Variants in MCC observed in about 807,000 individuals in gnomAD.
The protein encoded by MCC is colorectal mutant cancer protein.
Under a neutral mutation model 116.2 loss-of-function variants are expected in MCC, and 90 were observed. The observed-to-expected ratio is 0.77, with a 90% confidence interval of 0.65 to 0.92. The LOEUF is 0.92. Among genes scored for constraint, MCC ranks in the 40% least tolerant of loss-of-function variants. The pLI, the probability that MCC is intolerant of heterozygous loss-of-function variation, is 0.00. For synonymous variants in MCC, 578 were observed against 510.5 expected (o/e 1.13, Z -1.78); for missense variants, 1,516 against 1,312.2 (o/e 1.16, Z -2.40).
intron 3 of MCC, among the ~76,000 whole-genome samples, chr5:113,239,827 C>T (rs73244772): frequency 0.11 from 16,204 of 152,170 alleles, 1,361 homozygotes; most frequent in Admixed American, 0.25. Flanking sequence ...GAAATCCAAA[C>T]GTGGTGGAAG....
intron 3 of MCC, among the ~76,000 whole-genome samples, chr5:113,227,858 G>A (rs902742624): frequency 6.6e-6 from 1 of 152,120 alleles, no homozygotes; most frequent in South Asian, 2.1e-4. Context: ...ACCTGCCATG[G>A]AAATCCTACA....
chr5:113,237,674 GA>G (rs1219285457), intron 3 of MCC, among the ~76,000 whole-genome samples: 2 of 152,278 alleles, frequency 1.3e-5, no homozygotes, highest in East Asian at 1.9e-4. Flanking sequence ...GGCTACAAGA[GA>G]AATTATATTT....
chr5:113,028,789 G>A (rs982348796), intron 18 of MCC, 145 bp downstream of exon 18: 1 of 894,362 alleles, frequency 1.1e-6, no homozygotes, highest in East Asian at 2.6e-5. Context: ...CTCTTAGAGA[G>A]CCAGGTAGGG....
intron 8 of MCC, among the ~76,000 whole-genome samples, chr5:113,100,223 A>C (rs1756310051): frequency 6.6e-6 from 1 of 152,214 alleles, no homozygotes; most frequent in Admixed American, 6.5e-5. Context: ...AACATTCAAA[A>C]ATAGTAATTT....
Position 113,027,474 on chromosome 5 carries a change from A to G in MCC, c.2888T>C (p.Val963Ala). The change falls in exon 19 of 19, where the codon GTG becomes GCG. Residue 963 changes from valine (V) to alanine (A), a missense_variant. Coordinates refer to ENST00000408903, the MANE Select transcript of MCC (RefSeq NM_001085377.2). ...NDLKRANSNL[V>A]AAYEKAKKKH... ...TTTCTTTGCTTTCTCATAGGCAGCC[A>G]CCAGGTTGCTAGGTGGGAATGAAGG... 1 of 1,614,132 alleles carries G rather than the reference A, an allele frequency of 6.2e-7. No homozygotes were observed. Among genetic ancestry groups the G allele is most frequent in the East Asian group, 2.2e-5 (1 of 44,874 alleles).
At chr5:113,147,454 C>T (rs1759588513) in intron 4 of MCC, among the ~76,000 whole-genome samples, 2 of 152,146 alleles carry the variant, frequency 1.3e-5, no homozygotes, top group African/African-American at 4.8e-5. Context: ...TTAATCATCG[C>T]ATTAGTGTCA....
At chr5:113,472,805 A>G (rs1413095527) in intron 1 of MCC, among the ~76,000 whole-genome samples, 1 of 152,234 alleles carries the variant, frequency 6.6e-6, no homozygotes, top group Admixed American at 6.5e-5. Flanking sequence ...ATGTAAGCAT[A>G]TGGTTAGAGA....
chr5:113,275,986 T>C (rs938210728), intron 3 of MCC, among the ~76,000 whole-genome samples: 1 of 150,820 alleles, frequency 6.6e-6, no homozygotes, highest in Non-Finnish European at 1.5e-5. Flanking sequence ...TTTTTTTTTT[T>C]TTTAAGCAGG....
At chr5:113,329,068 T>G (rs1214930368) in intron 3 of MCC, among the ~76,000 whole-genome samples, 2 of 152,178 alleles carry the variant, frequency 1.3e-5, no homozygotes, top group Non-Finnish European at 2.9e-5. Flanking sequence ...CCAGGCAACC[T>G]CTGTAATCCT....
At chr5:113,431,573 G>T (rs7705568) in intron 1 of MCC, among the ~76,000 whole-genome samples, 17,509 of 152,184 alleles carry the variant, frequency 0.12, 1,744 homozygotes, top group African/African-American at 0.27. Context: ...GCTTCCTGGG[G>T]CATTAGAAAG....
chr5:113,105,691 C>T (rs987363108), intron 6 of MCC, among the ~76,000 whole-genome samples: 11 of 152,202 alleles, frequency 7.2e-5, no homozygotes, highest in Non-Finnish European at 1.6e-4. Context: ...TCTCTACTGA[C>T]ACCATCCTGC....
chr5:113,123,713 G>A (rs1334823441), intron 5 of MCC, among the ~76,000 whole-genome samples: 2 of 152,142 alleles, frequency 1.3e-5, no homozygotes, highest in African/African-American at 4.8e-5. Context: ...CAGGTATGGA[G>A]ACAGCAAAAT....
rs749227093 is a variant in MCC, at chr5:113,068,228, G to T, written c.1926-45C>A. 12 of 1,474,820 alleles carry T rather than the reference G, an allele frequency of 8.1e-6. No homozygotes were observed. The East Asian group carries it at 2.1e-4, about 25-fold the overall frequency. 91.4% of individuals were successfully genotyped at this position (1,474,820 alleles called of 1,614,324 possible). A position where few individuals can be genotyped will look rare whatever the true frequency, so the allele number is the denominator to read the frequency against. On this transcript the variant is annotated intron_variant, in intron 12 of 18. Coordinates refer to ENST00000408903, the MANE Select transcript of MCC (RefSeq NM_001085377.2). Reference sequence around the variant, plus strand: ...GCCTCAGCCCTTGCAGAGAACAGCGGACACCTTCAATGTGGCGCCGGTTTC... The same window carrying T: ...GCCTCAGCCCTTGCAGAGAACAGCGTACACCTTCAATGTGGCGCCGGTTTC...
At chr5:113,304,990 G>A (rs990243006) in intron 3 of MCC, among the ~76,000 whole-genome samples, 1 of 150,916 alleles carries the variant, frequency 6.6e-6, no homozygotes, top group African/African-American at 2.5e-5. Flanking sequence ...AGAATGTTAC[G>A]GCAGCTACCC....
chr5:113,144,707 A>C (rs540568950), intron 4 of MCC, among the ~76,000 whole-genome samples: 2 of 152,332 alleles, frequency 1.3e-5, no homozygotes, highest in East Asian at 3.9e-4. Context: ...CAACAGCTGG[A>C]TCAGTATTTA....
chr5:113,156,482 T>A (rs1260867776), intron 3 of MCC, among the ~76,000 whole-genome samples: 1 of 152,150 alleles, frequency 6.6e-6, no homozygotes. Context: ...ACACTCAGAC[T>A]AGGAAAACAG....
intron 8 of MCC, among the ~76,000 whole-genome samples, chr5:113,098,108 A>G (rs540004529): frequency 6.6e-6 from 1 of 152,376 alleles, no homozygotes; most frequent in African/African-American, 2.4e-5. Flanking sequence ...TCTATGGTTC[A>G]GCGGGACACA....
At chr5:113,310,340 A>T (rs1469095427) in intron 3 of MCC, among the ~76,000 whole-genome samples, 1 of 152,212 alleles carries the variant, frequency 6.6e-6, no homozygotes, top group African/African-American at 2.4e-5. Flanking sequence ...CAGGGGTGCC[A>T]ACTTGGAAGC....
intron 1 of MCC, among the ~76,000 whole-genome samples, chr5:113,408,982 T>C (rs904736083): frequency 6.6e-6 from 1 of 152,200 alleles, no homozygotes; most frequent in African/African-American, 2.4e-5. Context: ...ACTCACTGTT[T>C]AGAGATTTTA....
Sources: gnomAD v4.1 joint callset for allele counts (sites outside exome capture counted in the v4.1 genomes callset) on GRCh38, gnomAD v4.1.1 for gene constraint, MANE v1.5 for transcripts, NCBI Gene and HGNC (gene_info 2026-07-23, HGNC 2026-07-21) for gene names.